Variants in GRID2 observed in about 807,000 individuals in gnomAD.
GRID2 encodes the protein glutamate receptor ionotropic, delta-2.
In GRID2, 33 loss-of-function variants were observed where a neutral mutation model predicts 114.8. That is an observed-to-expected ratio of 0.29 (90% confidence interval 0.22 to 0.38). The LOEUF is 0.38. GRID2 is among the 10% of genes least tolerant of loss of function. The pLI, the probability that GRID2 is intolerant of heterozygous loss-of-function variation, is 1.00. For synonymous variants in GRID2, 505 were observed against 449.9 expected (o/e 1.12, Z -1.55); for missense variants, 1,184 against 1,257.7 (o/e 0.94, Z 0.89).
chr4:93,392,338 A>G (rs767965839), intron 8 of GRID2, among the ~76,000 whole-genome samples: 18 of 152,164 alleles, frequency 1.2e-4, no homozygotes, highest in Admixed American at 3.9e-4. Flanking sequence ...CATCGAAACC[A>G]GAGGACTTGT....
At chr4:93,562,998 C>T (rs572976090) in intron 13 of GRID2, among the ~76,000 whole-genome samples, 2 of 152,050 alleles carry the variant, frequency 1.3e-5, no homozygotes, top group East Asian at 3.9e-4. Flanking sequence ...GCCTTCAAGT[C>T]AGGTAATGTC....
chr4:92,520,185 G>A (rs1370444050), intron 1 of GRID2, among the ~76,000 whole-genome samples: 1 of 151,730 alleles, frequency 6.6e-6, no homozygotes, highest in Non-Finnish European at 1.5e-5. Context: ...GTGTACAGTT[G>A]AAAATGTACT....
intron 2 of GRID2, among the ~76,000 whole-genome samples, chr4:92,847,819 T>G (rs1420494618): frequency 6.6e-6 from 1 of 152,056 alleles, no homozygotes; most frequent in Admixed American, 6.6e-5. Flanking sequence ...GTGTTCCATT[T>G]ACTTTCTTTT....
chr4:93,312,320 G>C (rs1280698271), intron 8 of GRID2, among the ~76,000 whole-genome samples: 4 of 152,150 alleles, frequency 2.6e-5, no homozygotes, highest in Admixed American at 6.5e-5. Flanking sequence ...CCAAGGCGAA[G>C]AGTTACGCTG....
intron 4 of GRID2, among the ~76,000 whole-genome samples, chr4:93,120,919 C>A: frequency 6.6e-6 from 1 of 151,962 alleles, no homozygotes; most frequent in Non-Finnish European, 1.5e-5. Context: ...CGCCACTGCA[C>A]TCCAGCCTGG....
intron 2 of GRID2, among the ~76,000 whole-genome samples, chr4:92,922,487 C>T (rs1301319500): frequency 1.3e-5 from 2 of 151,950 alleles, no homozygotes; most frequent in African/African-American, 4.8e-5. Flanking sequence ...CATCTCTCCA[C>T]CCCCCCAGAA....
intron 13 of GRID2, among the ~76,000 whole-genome samples, chr4:93,547,903 G>A (rs915820030): frequency 7.2e-5 from 11 of 152,162 alleles, no homozygotes; most frequent in South Asian, 2.1e-4. Context: ...AGGGCCAGGC[G>A]CAGTGGCTCA....
chr4:93,564,701 T>C (rs1405414735), intron 13 of GRID2, among the ~76,000 whole-genome samples: 1 of 152,064 alleles, frequency 6.6e-6, no homozygotes, highest in Non-Finnish European at 1.5e-5. Flanking sequence ...GGTTTGAAAA[T>C]ACTGGTCTTA....
intron 1 of GRID2, among the ~76,000 whole-genome samples, chr4:92,305,488 C>T (rs190885569): frequency 6.6e-6 from 1 of 152,302 alleles, no homozygotes; most frequent in Admixed American, 6.5e-5. Context: ...TGCGCGCAGG[C>T]TGCTCCCGAG....
At chr4:93,244,334 C>G (rs959007588) in intron 8 of GRID2, among the ~76,000 whole-genome samples, 1 of 151,556 alleles carries the variant, frequency 6.6e-6, no homozygotes, top group Non-Finnish European at 1.5e-5. Context: ...ATAAAATGTA[C>G]GTCAGAGATA....
intron 1 of GRID2, among the ~76,000 whole-genome samples, chr4:92,387,446 C>A (rs116813691): frequency 9.9e-4 from 151 of 151,988 alleles, no homozygotes; most frequent in African/African-American, 3.3e-3. Context: ...TTTTTATAAG[C>A]CCTGATTTTG....
intron 1 of GRID2, among the ~76,000 whole-genome samples, chr4:92,418,040 T>A (rs1211910623): frequency 6.6e-6 from 1 of 152,180 alleles, no homozygotes; most frequent in East Asian, 1.9e-4. Flanking sequence ...GTCGTGTGTA[T>A]GTTTTTATTA....
chr4:93,410,654 GCT>G (rs1184741688), intron 9 of GRID2, among the ~76,000 whole-genome samples: 1 of 152,182 alleles, frequency 6.6e-6, no homozygotes, highest in African/African-American at 2.4e-5. Context: ...CATGATCTAG[GCT>G]CACTGCAACC....
chr4:92,636,847 A>G (rs566702911), intron 2 of GRID2, among the ~76,000 whole-genome samples: 25 of 152,110 alleles, frequency 1.6e-4, no homozygotes, highest in African/African-American at 6.0e-4. Flanking sequence ...TTCTTTTGCA[A>G]TCTGCTTTCT....
chr4:92,733,138 C>A (rs1407591823), intron 2 of GRID2, among the ~76,000 whole-genome samples: 1 of 151,930 alleles, frequency 6.6e-6, no homozygotes, highest in African/African-American at 2.4e-5. Context: ...AAGTAAGATT[C>A]CTGATAGGTG....
At chr4:92,938,342 G>A (rs1273732891) in intron 2 of GRID2, among the ~76,000 whole-genome samples, 1 of 145,890 alleles carries the variant, frequency 6.9e-6, no homozygotes, top group Admixed American at 7.5e-5. Flanking sequence ...TTCTGGTTTT[G>A]TTTCACAAGA....
intron 14 of GRID2, among the ~76,000 whole-genome samples, chr4:93,742,810 G>A (rs1450000030): frequency 6.6e-6 from 1 of 152,054 alleles, no homozygotes; most frequent in Non-Finnish European, 1.5e-5. Context: ...TGTTTGCTGA[G>A]ACACAACATT....
At chr4:93,158,042 A>C (rs1472474884) in intron 4 of GRID2, among the ~76,000 whole-genome samples, 2 of 151,866 alleles carry the variant, frequency 1.3e-5, no homozygotes, top group Non-Finnish European at 2.9e-5. Flanking sequence ...ATGTTAATAA[A>C]TGCAAACTAG....
At chr4:93,171,889 C>T (rs1738861037) in intron 4 of GRID2, among the ~76,000 whole-genome samples, 1 of 152,064 alleles carries the variant, frequency 6.6e-6, no homozygotes, top group African/African-American at 2.4e-5. Flanking sequence ...TTCATATGAC[C>T]AGAGGTGTGT....
Sources: gnomAD v4.1 joint callset for allele counts (sites outside exome capture counted in the v4.1 genomes callset) on GRCh38, gnomAD v4.1.1 for gene constraint, MANE v1.5 for transcripts, NCBI Gene and HGNC (gene_info 2026-07-23, HGNC 2026-07-21) for gene names.